The following MIPOL1 variants were observed in gnomAD, a reference collection of about 807,000 sequenced individuals.
MIPOL1 encodes the protein mirror-image polydactyly gene 1 protein.
In MIPOL1, 57 loss-of-function variants were observed where a neutral mutation model predicts 60.9. The observed-to-expected ratio is 0.94, with a 90% CI of 0.76 to 1.17. The LOEUF (loss-of-function observed/expected upper bound fraction) is 1.17, where lower values mean the gene tolerates loss of function less well. Ranked by LOEUF, MIPOL1 falls within the 50% of genes most tolerant of loss-of-function variation. The pLI, the probability that MIPOL1 is intolerant of heterozygous loss-of-function variation, is 0.00. For missense variants in MIPOL1, 551 were observed against 511.6 expected, an observed-to-expected ratio of 1.08 and a Z score of -0.74; for synonymous variants, 179 against 168.8, an observed-to-expected ratio of 1.06 and a Z score of -0.47.
At chr14:37,527,686 T>A (rs942648111) in intron 12 of MIPOL1, among the ~76,000 whole-genome samples, 5 of 152,144 alleles carry the variant, frequency 3.3e-5, no homozygotes, top group Admixed American at 2.0e-4. Context: ...AAACTCTGCT[T>A]CTTTTCATTC....
At chr14:37,477,692 T>C (rs1225399299) in intron 11 of MIPOL1, among the ~76,000 whole-genome samples, 2 of 152,102 alleles carry the variant, frequency 1.3e-5, no homozygotes, top group African/African-American at 4.8e-5. Context: ...CAACACACAG[T>C]TTATTCAGCA....
At chr14:37,373,042 C>G (rs918044928) in intron 10 of MIPOL1, among the ~76,000 whole-genome samples, 2 of 152,060 alleles carry the variant, frequency 1.3e-5, no homozygotes, top group Non-Finnish European at 2.9e-5. Context: ...CTCACTCAGT[C>G]GCCCTGGCTG....
At position 37,427,241 on chromosome 14, in the gene MIPOL1, A is replaced by G. The variant is rs138203000; in HGVS notation, c.1031+4292A>G. ...TTATCCAGCTATTCATTATTCAAAA[A>G]CAAATGAAATTCTAATACATGCTGC... On this transcript the variant is annotated intron_variant, in intron 11 of 12. Coordinates refer to ENST00000684589, the MANE Select transcript of MIPOL1 (RefSeq NM_001388067.1). 6.0e-3 allele frequency among the ~76,000 whole-genome samples: 916 copies of G among 152,344 alleles called. 13 individuals carry two copies. The highest frequency in any genetic ancestry group is 0.02 in the African/African-American group (849 of 41,586).
chr14:37,477,335 A>G (rs200370341), intron 11 of MIPOL1, among the ~76,000 whole-genome samples: 2 of 152,086 alleles, frequency 1.3e-5, no homozygotes, highest in South Asian at 2.1e-4. Context: ...AGTAGAATTC[A>G]CCAGTGGGCC....
intron 11 of MIPOL1, among the ~76,000 whole-genome samples, chr14:37,438,229 A>G (rs1007194285): frequency 8.5e-5 from 13 of 152,232 alleles, no homozygotes; most frequent in African/African-American, 3.1e-4. Context: ...CATGTTTTCC[A>G]AAGAGTACAA....
intron 1 of MIPOL1, among the ~76,000 whole-genome samples, chr14:37,230,461 C>CTTGTGGA (rs1408973730): frequency 1.3e-5 from 2 of 152,168 alleles, no homozygotes; most frequent in Non-Finnish European, 2.9e-5. Context: ...ATATCTCTAT[C>CTTGTGGA]TTGTGGAGTA....
At chr14:37,231,031 G>C (rs1970548842) in intron 1 of MIPOL1, among the ~76,000 whole-genome samples, 1 of 151,918 alleles carries the variant, frequency 6.6e-6, no homozygotes, top group Non-Finnish European at 1.5e-5. Context: ...AGTTTTTATT[G>C]GTCTGTCCTT....
At chr14:37,227,521 C>T (rs1969946756) in intron 1 of MIPOL1, among the ~76,000 whole-genome samples, 1 of 151,890 alleles carries the variant, frequency 6.6e-6, no homozygotes, top group African/African-American at 2.4e-5. Flanking sequence ...TGTATTTTCA[C>T]AAGTGGAAGT....
chr14:37,315,090 G>A (rs1567427709), intron 9 of MIPOL1, among the ~76,000 whole-genome samples: 1 of 152,136 alleles, frequency 6.6e-6, no homozygotes, highest in Non-Finnish European at 1.5e-5. Flanking sequence ...AGCAGCTGGG[G>A]GGTGGGATTA....
chr14:37,344,049 G>A (rs2090765619), intron 9 of MIPOL1, among the ~76,000 whole-genome samples: 1 of 152,042 alleles, frequency 6.6e-6, no homozygotes, highest in Admixed American at 6.6e-5. Context: ...AGCTTTTATA[G>A]TGTATCTCAG....
intron 1 of MIPOL1, among the ~76,000 whole-genome samples, chr14:37,212,857 G>A (rs749401676): frequency 6.6e-6 from 1 of 152,152 alleles, no homozygotes; most frequent in African/African-American, 2.4e-5. Context: ...CCAGATTTAC[G>A]TGTCATAGAA....
At chr14:37,269,818 G>C (rs1184093796) in intron 5 of MIPOL1, among the ~76,000 whole-genome samples, 1 of 152,066 alleles carries the variant, frequency 6.6e-6, no homozygotes, top group African/African-American at 2.4e-5. Flanking sequence ...TGCTTTTGCA[G>C]TAGTCATTAT....
intron 6 of MIPOL1, among the ~76,000 whole-genome samples, chr14:37,273,433 A>G (rs1030368856): frequency 2.0e-5 from 3 of 151,244 alleles, no homozygotes; most frequent in Non-Finnish European, 4.4e-5. Context: ...TAAAGACTCT[A>G]TGGTTTTATG....
intron 3 of MIPOL1, among the ~76,000 whole-genome samples, chr14:37,255,969 G>A (rs1974851369): frequency 1.3e-5 from 2 of 151,606 alleles, no homozygotes; most frequent in African/African-American, 4.8e-5. Context: ...AATTATACTT[G>A]TGTAGAAACA....
intron 6 of MIPOL1, among the ~76,000 whole-genome samples, chr14:37,273,391 T>C (rs1322138125): frequency 1.3e-5 from 2 of 150,968 alleles, no homozygotes; most frequent in Admixed American, 1.3e-4. Context: ...TTTTTAGAAA[T>C]TACTTGCACT....
intron 1 of MIPOL1, among the ~76,000 whole-genome samples, chr14:37,231,771 G>A (rs1171332742): frequency 1.3e-5 from 2 of 152,150 alleles, no homozygotes; most frequent in Admixed American, 1.3e-4. Flanking sequence ...TCAAAGAGGT[G>A]TGAGAAAACT....
intron 9 of MIPOL1, among the ~76,000 whole-genome samples, chr14:37,318,816 T>TTAGTTAG (rs1267338936): frequency 2.2e-4 from 32 of 147,194 alleles, no homozygotes; most frequent in African/African-American, 6.3e-4. Context: ...TATTTATTTA[T>TTAGTTAG]TTATTTATTT....
At chr14:37,500,646 G>A (rs2095202972) in intron 12 of MIPOL1, among the ~76,000 whole-genome samples, 1 of 152,110 alleles carries the variant, frequency 6.6e-6, no homozygotes, top group Admixed American at 6.6e-5. Context: ...TGTTTATTTT[G>A]AATGATCTTT....
intron 9 of MIPOL1, among the ~76,000 whole-genome samples, chr14:37,346,941 A>G (rs1336305723): frequency 6.6e-6 from 1 of 152,220 alleles, no homozygotes; most frequent in African/African-American, 2.4e-5. Flanking sequence ...CACCTGCTTC[A>G]TATGGGAGTA....
Sources: gnomAD v4.1 joint callset for allele counts (sites outside exome capture counted in the v4.1 genomes callset) on GRCh38, gnomAD v4.1.1 for gene constraint, MANE v1.5 for transcripts, NCBI Gene and HGNC (gene_info 2026-07-23, HGNC 2026-07-21) for gene names.